Variants in MEIS1 observed in about 807,000 individuals in gnomAD.
The protein encoded by MEIS1 is Meis homeobox 1.
In MEIS1, 5 loss-of-function variants were observed where a neutral mutation model predicts 50.8. That is an observed-to-expected ratio of 0.10 (90% CI 0.05 to 0.21). The LOEUF (loss-of-function observed/expected upper bound fraction) is 0.21, where lower values mean the gene tolerates loss of function less well. Among genes scored for constraint, MEIS1 ranks in the 10% least tolerant of loss-of-function variants. The pLI is 1.00. For missense variants in MEIS1, 318 were observed against 517.3 expected, an observed-to-expected ratio of 0.61 and a Z score of 3.74; for synonymous variants, 176 against 179.3, an observed-to-expected ratio of 0.98 and a Z score of 0.15.
At chr2:66,553,824 A>T (rs960942952) in intron 9 of MEIS1, among the ~76,000 whole-genome samples, 5 of 152,218 alleles carry the variant, frequency 3.3e-5, no homozygotes, top group African/African-American at 1.2e-4. Flanking sequence ...ATAAAATCAC[A>T]TCGTTAATAC....
chr2:66,472,246 G>T (rs762573169), intron 7 of MEIS1, among the ~76,000 whole-genome samples: 1 of 152,168 alleles, frequency 6.6e-6, no homozygotes, highest in Non-Finnish European at 1.5e-5. Context: ...TCTTCACATG[G>T]TGTCATTCTT....
intron 8 of MEIS1, among the ~76,000 whole-genome samples, chr2:66,535,201 T>A (rs1674488533): frequency 6.6e-6 from 1 of 152,168 alleles, no homozygotes; most frequent in African/African-American, 2.4e-5. Context: ...CACGTAACCC[T>A]GTATATCTTG....
chr2:66,567,558 A>G, intron 10 of MEIS1, 47 bp downstream of exon 10: 1 of 1,589,820 alleles, frequency 6.3e-7, no homozygotes, highest in Non-Finnish European at 8.6e-7. Context: ...AGCGAAAACC[A>G]TCCTCAAGCC....
In MEIS1 at chr2:66,573,796, T is replaced by C. The variant is rs1675523373; in HGVS notation, c.*2588T>C. On this transcript the variant is annotated 3_prime_UTR_variant, in exon 13 of 13. Transcript: ENST00000272369. ...GTCGATGTGAGTGAAATCATTCTCT[T>C]TTGATAGGTGGTTGCTAGCAGTTAA... is the stretch of plus-strand genomic sequence containing the variant. 6.6e-6 allele frequency: 1 copy of C among 152,218 alleles called. No individual in the cohort carries two copies. The highest frequency in any genetic ancestry group is 2.4e-5 in the African/African-American group (1 of 41,466). The allele number at this position is 152,218 out of a possible 1,614,324, so 9.4% of individuals were successfully genotyped here. A position where few individuals can be genotyped will look rare whatever the true frequency, so the allele number is the denominator to read the frequency against.
chr2:66,549,957 A>G (rs1438259546), intron 9 of MEIS1, among the ~76,000 whole-genome samples: 2 of 152,176 alleles, frequency 1.3e-5, no homozygotes, highest in African/African-American at 4.8e-5. Context: ...ACAGTTTTCT[A>G]AATTCTATGC....
intron 8 of MEIS1, among the ~76,000 whole-genome samples, chr2:66,536,169 AC>A (rs1276983857): frequency 3.9e-4 from 59 of 152,070 alleles, no homozygotes; most frequent in African/African-American, 1.4e-3. Flanking sequence ...TAACACATAA[AC>A]CCCGGGATCT....
intron 9 of MEIS1, 32 bp from the exon 10 acceptor site, chr2:66,567,421 A>G: frequency 6.2e-7 from 1 of 1,607,226 alleles, no homozygotes. Flanking sequence ...ATTTTTAAGG[A>G]ATAACGATTT....
chr2:66,497,257 G>T lies in MEIS1; in HGVS notation c.743-14892G>T, dbSNP rs569666399. Among the ~76,000 whole-genome samples, 3 of 152,250 alleles carry T rather than the reference G, an allele frequency of 2.0e-5. No individual in the cohort carries two copies. The South Asian group carries it at 6.2e-4, about 32-fold the overall frequency. On this transcript the variant is annotated intron_variant, in intron 7 of 12. Transcript: ENST00000272369. ...GGAGTTTAGCCTCAAGTCAGATCTG[G>T]GTTGAATCCACAAGGATTTGTATTC...
At position 66,573,676 on chromosome 2, in the gene MEIS1, A is replaced by G. The variant is rs1423699534; in HGVS notation, c.*2468A>G. 3 of 152,210 alleles carry G rather than the reference A, an allele frequency of 2.0e-5. No individual in the cohort carries two copies. The highest frequency in any genetic ancestry group is 4.8e-5 in the African/African-American group (2 of 41,460). The allele number at this position is 152,210 out of a possible 1,614,324, so 9.4% of individuals were successfully genotyped here. ...GAGCAAGGCTCAGCCTACTGCAGCC[A>G]TCTCTGGCAGCGCTTCTACCCCTCC... On this transcript the variant is annotated 3_prime_UTR_variant, in exon 13 of 13. Coordinates refer to ENST00000272369, the MANE Select transcript of MEIS1 (RefSeq NM_002398.3).
chr2:66,445,887 G>A (rs1211142444), intron 6 of MEIS1, among the ~76,000 whole-genome samples: 3 of 152,192 alleles, frequency 2.0e-5, no homozygotes, highest in East Asian at 3.9e-4. Flanking sequence ...ACCAGTAGAA[G>A]CTGTAATCCC....
At chr2:66,538,743 A>G (rs2103910670) in intron 8 of MEIS1, among the ~76,000 whole-genome samples, 1 of 152,352 alleles carries the variant, frequency 6.6e-6, no homozygotes, top group African/African-American at 2.4e-5. Flanking sequence ...ATCATGTAAT[A>G]AACAAAAGTA....
At chr2:66,567,557 C>T (rs762574160) in intron 10 of MEIS1, 46 bp downstream of exon 10, 5 of 1,589,002 alleles carry the variant, frequency 3.1e-6, no homozygotes, top group Admixed American at 1.7e-5. Flanking sequence ...AAGCGAAAAC[C>T]ATCCTCAAGC....
chr2:66,473,397 A>AAAAAAAAAAAATATATATATAT, intron 7 of MEIS1, among the ~76,000 whole-genome samples: 10 of 107,588 alleles, frequency 9.3e-5, no homozygotes, highest in African/African-American at 4.7e-4. Flanking sequence ...AAAAAAAAAA[A>AAAAAAAAAAAATATATATATAT]ATATATATAT....
chr2:66,510,579 A>G (rs1216883272), intron 7 of MEIS1, among the ~76,000 whole-genome samples: 1 of 152,224 alleles, frequency 6.6e-6, no homozygotes, highest in Non-Finnish European at 1.5e-5. Flanking sequence ...AAGTTTTGCA[A>G]AAGTTTTGCA....
intron 8 of MEIS1, among the ~76,000 whole-genome samples, chr2:66,515,706 T>A (rs914453111): frequency 1.3e-5 from 2 of 152,102 alleles, no homozygotes; most frequent in East Asian, 3.9e-4. Flanking sequence ...TTTGGCAGAG[T>A]CGATAAGTAG....
chr2:66,475,773 C>T (rs1672878896), intron 7 of MEIS1, among the ~76,000 whole-genome samples: 1 of 152,200 alleles, frequency 6.6e-6, no homozygotes, highest in African/African-American at 2.4e-5. Flanking sequence ...TTACATTCCC[C>T]AGCTCCTAGA....
At chr2:66,539,487 C>T (rs1433195877) in intron 8 of MEIS1, among the ~76,000 whole-genome samples, 4 of 152,108 alleles carry the variant, frequency 2.6e-5, no homozygotes, top group African/African-American at 2.4e-5. Context: ...TGAATTTTCC[C>T]GACTTGTATG....
At chr2:66,495,080 CTTTTTTT>C (rs70943701) in intron 7 of MEIS1, among the ~76,000 whole-genome samples, 13 of 91,490 alleles carry the variant, frequency 1.4e-4, no homozygotes, top group African/African-American at 5.5e-4. Flanking sequence ...CTCTTCTGAC[CTTTTTTT>C]TTTTTTTTTT....
At chr2:66,549,519 TA>T (rs1215447399) in intron 9 of MEIS1, among the ~76,000 whole-genome samples, 3 of 152,210 alleles carry the variant, frequency 2.0e-5, no homozygotes, top group African/African-American at 7.2e-5. Flanking sequence ...AAATTTCAAA[TA>T]TGTAATATTT....
Sources: gnomAD v4.1 joint callset for allele counts (sites outside exome capture counted in the v4.1 genomes callset) on GRCh38, gnomAD v4.1.1 for gene constraint, MANE v1.5 for transcripts, NCBI Gene and HGNC (gene_info 2026-07-23, HGNC 2026-07-21) for gene names.